RBMS3: variants seen among roughly 807,000 people sequenced by gnomAD.
The protein encoded by RBMS3 is RNA binding motif single stranded interacting protein 3.
Under a neutral mutation model 66.8 loss-of-function variants are expected in RBMS3, and 27 were observed. The observed-to-expected ratio is 0.40, with a 90% CI of 0.30 to 0.56. The LOEUF is 0.56. Among genes scored for constraint, RBMS3 ranks in the 20% least tolerant of loss-of-function variants. The pLI, the probability that RBMS3 is intolerant of heterozygous loss-of-function variation, is 0.40. For missense variants in RBMS3, 513 were observed against 549.5 expected (o/e 0.93, Z 0.66); for synonymous variants, 188 against 183.0 (o/e 1.03, Z -0.22).
At chr3:29,861,280 C>A (rs901330964) in intron 6 of RBMS3, among the ~76,000 whole-genome samples, 1 of 152,146 alleles carries the variant, frequency 6.6e-6, no homozygotes, top group African/African-American at 2.4e-5. Context: ...CTTGAATAAA[C>A]TGCTTCTGTT....
intron 6 of RBMS3, among the ~76,000 whole-genome samples, chr3:29,814,502 A>C (rs1420604384): frequency 1.3e-5 from 2 of 152,158 alleles, no homozygotes; most frequent in South Asian, 2.1e-4. Flanking sequence ...TCATAAAATG[A>C]GTTAGGGAGG....
At chr3:29,619,887 G>A (rs1040475181) in intron 4 of RBMS3, among the ~76,000 whole-genome samples, 5 of 151,430 alleles carry the variant, frequency 3.3e-5, no homozygotes, top group South Asian at 2.1e-4. Flanking sequence ...TTTTTTACAC[G>A]TGAGGCTGTT....
intron 4 of RBMS3, among the ~76,000 whole-genome samples, chr3:29,689,314 G>A (rs2051873825): frequency 6.6e-6 from 1 of 151,690 alleles, no homozygotes; most frequent in Non-Finnish European, 1.5e-5. Flanking sequence ...CATTAATTAT[G>A]TGCTCCCCAT....
rs1354029351 is a variant in RBMS3, at chr3:29,307,827, T to C, written c.75+26071T>C. ...ATATGAGAAAGCACAGAGCAAGCGC[T>C]GTTGAACATAAATCAACTTGATTTA... On this transcript the variant is annotated intron_variant, in intron 1 of 14. Transcript: ENST00000383767. Among the ~76,000 whole-genome samples, 3 of 152,076 alleles carry C rather than the reference T, an allele frequency of 2.0e-5. No individual in the cohort carries two copies. In the East Asian group the frequency reaches 5.8e-4, roughly 30 times the overall value.
intron 4 of RBMS3, among the ~76,000 whole-genome samples, chr3:29,674,852 C>G (rs2051171317): frequency 6.6e-6 from 1 of 151,884 alleles, no homozygotes; most frequent in Admixed American, 6.6e-5. Flanking sequence ...AGATTAAATG[C>G]CATCCCCATC....
At chr3:29,944,384 C>A in intron 12 of RBMS3, 130 bp downstream of exon 12, 1 of 700,896 alleles carries the variant, frequency 1.4e-6, no homozygotes, top group Non-Finnish European at 2.5e-6. Context: ...TTCCAGTTTG[C>A]AAGGGGGCAT....
chr3:29,988,336 AAT>A, intron 13 of RBMS3, 113 bp downstream of exon 13: 1 of 783,284 alleles, frequency 1.3e-6, no homozygotes. Flanking sequence ...GCTACTCTAA[AAT>A]ATGACATTGT....
intron 4 of RBMS3, among the ~76,000 whole-genome samples, chr3:29,642,165 G>A (rs1427093717): frequency 1.3e-5 from 2 of 152,004 alleles, no homozygotes; most frequent in South Asian, 2.1e-4. Flanking sequence ...GCCAATGAGT[G>A]GATTCTGACC....
intron 1 of RBMS3, among the ~76,000 whole-genome samples, chr3:29,360,641 G>A (rs1283234907): frequency 1.3e-5 from 2 of 152,038 alleles, no homozygotes; most frequent in Non-Finnish European, 2.9e-5. Context: ...AATGTTGACA[G>A]TGGAGTGTTA....
chr3:29,798,560 C>A (rs9830234), intron 6 of RBMS3, among the ~76,000 whole-genome samples: 46,635 of 151,980 alleles, frequency 0.31, 7,959 homozygotes, highest in African/African-American at 0.46. Flanking sequence ...AACACAGCAA[C>A]TAACTCTATA....
chr3:29,520,523 A>G (rs2044815912), intron 3 of RBMS3, among the ~76,000 whole-genome samples: 1 of 152,192 alleles, frequency 6.6e-6, no homozygotes, highest in Non-Finnish European at 1.5e-5. Flanking sequence ...CCAACAGCAT[A>G]GAAAGTGAAC....
chr3:29,596,962 A>G (rs1303635223), intron 4 of RBMS3, among the ~76,000 whole-genome samples: 1 of 152,232 alleles, frequency 6.6e-6, no homozygotes, highest in Non-Finnish European at 1.5e-5. Flanking sequence ...CTAATGAATT[A>G]TTCAGAACCT....
chr3:29,506,992 G>T, intron 3 of RBMS3, among the ~76,000 whole-genome samples: 1 of 147,400 alleles, frequency 6.8e-6, no homozygotes, highest in Middle Eastern at 3.5e-3. Flanking sequence ...CTAGCTAAAG[G>T]TTTGTCAATT....
chr3:29,650,176 C>A (rs537483652), intron 4 of RBMS3, among the ~76,000 whole-genome samples: 46 of 151,712 alleles, frequency 3.0e-4, no homozygotes, highest in Admixed American at 2.5e-3. Flanking sequence ...CAATATTTTA[C>A]AAACAGAAAA....
chr3:29,682,195 G>C (rs970355678), intron 4 of RBMS3, among the ~76,000 whole-genome samples: 2 of 152,208 alleles, frequency 1.3e-5, no homozygotes, highest in Admixed American at 6.5e-5. Flanking sequence ...TGCCAGGCTG[G>C]AGCGCAATGG....
chr3:29,464,188 T>G (rs1057077995), intron 2 of RBMS3, among the ~76,000 whole-genome samples: 2 of 152,026 alleles, frequency 1.3e-5, no homozygotes, highest in African/African-American at 4.8e-5. Flanking sequence ...TAAAGAAATA[T>G]AAGAAGATTA....
At chr3:29,868,774 T>A in intron 6 of RBMS3, 84 bp from the exon 7 acceptor site, 1 of 1,178,676 alleles carries the variant, frequency 8.5e-7, no homozygotes, top group Non-Finnish European at 1.2e-6. Flanking sequence ...AAGATACTCA[T>A]TACAAAGCAC....
chr3:29,488,741 A>G (rs1239885414), intron 3 of RBMS3, among the ~76,000 whole-genome samples: 1 of 152,234 alleles, frequency 6.6e-6, no homozygotes, highest in Non-Finnish European at 1.5e-5. Context: ...TTCAGCATAA[A>G]ACTAAATTAC....
chr3:29,853,074 C>G (rs763411500), intron 6 of RBMS3, among the ~76,000 whole-genome samples: 3 of 152,034 alleles, frequency 2.0e-5, no homozygotes, highest in Non-Finnish European at 4.4e-5. Flanking sequence ...AATCAAATAC[C>G]ACATGTTCTC....
Sources: allele counts gnomAD v4.1 joint callset (sites outside exome capture counted in the v4.1 genomes callset), GRCh38; gene constraint gnomAD v4.1.1; transcripts MANE v1.5; gene names NCBI Gene and HGNC (gene_info 2026-07-23, HGNC 2026-07-21).